The following RSRC2 variants were observed in gnomAD, a reference collection of about 807,000 sequenced individuals.
RSRC2 encodes the protein arginine/serine-rich coiled-coil protein 2.
RSRC2 carries 5 observed loss-of-function variants against 61.3 expected under a neutral mutation model. That is an observed-to-expected ratio of 0.08 (90% confidence interval 0.04 to 0.17). RSRC2 has a LOEUF of 0.17. Among genes scored for constraint, RSRC2 ranks in the 10% least tolerant of loss-of-function variants. The pLI is 1.00. For synonymous variants in RSRC2, 202 were observed against 166.5 expected (o/e 1.21, Z -1.64); for missense variants, 381 against 518.8 (o/e 0.73, Z 2.58).
Position 122,511,123 on chromosome 12 carries a change from T to C in RSRC2, c.791A>G (p.Gln264Arg), listed in dbSNP as rs1191500911. 1.2e-6 allele frequency: 2 copies of C among 1,605,284 alleles called. No homozygotes were observed. Among genetic ancestry groups the C allele is most frequent in the Non-Finnish European group, 1.7e-6 (2 of 1,178,622 alleles). Reference protein sequence around the residue: ...EKEMVEKQKQQEIAAAAATGG... With the variant: ...EKEMVEKQKQREIAAAAATGG... Reference sequence around the variant, plus strand: ...AAAAAAATTACCTGCAGCTATTTCTTGTTGTTTTTGTTTTTCAACCATTTC... The same window carrying C: ...AAAAAAATTACCTGCAGCTATTTCTCGTTGTTTTTGTTTTTCAACCATTTC... Residue 264 changes from glutamine (Q) to arginine (R), a missense_variant, in exon 7 of 10, where the codon CAA (glutamine) becomes CGA (arginine). By Grantham distance (43) the Gln-to-Arg change is conservative. This residue lies in a region of RSRC2 where 26 missense variants were observed against 27.5 expected (regional missense o/e 0.95). Coordinates refer to ENST00000331738, the MANE Select transcript of RSRC2 (RefSeq NM_023012.6).
chr12:122,516,321 G>C (rs573378684), intron 5 of RSRC2, among the ~76,000 whole-genome samples: 1 of 152,188 alleles, frequency 6.6e-6, no homozygotes, highest in South Asian at 2.1e-4. Flanking sequence ...GCTCTTTATT[G>C]TACACCTCCT....
At chr12:122,515,942 T>C (rs1257258120) in intron 5 of RSRC2, among the ~76,000 whole-genome samples, 2 of 152,136 alleles carry the variant, frequency 1.3e-5, no homozygotes, top group Admixed American at 6.5e-5. Flanking sequence ...TGAGCCAAGA[T>C]TGTGCCATCG....
chr12:122,515,217 T>C lies in RSRC2; in HGVS notation c.613A>G (p.Lys205Glu), dbSNP rs1958814710. The C allele has an allele frequency of 1.2e-6, 2 of 1,613,818 alleles. No homozygotes were observed. The highest frequency in any genetic ancestry group is 1.7e-6 in the Non-Finnish European group (2 of 1,179,888). ...AATCTTCTCGGCTTTTCAATTCTCTTCTTTCTATCTCTGTAGTAAATCGTA... is the reference window on the plus strand; with the variant it reads ...AATCTTCTCGGCTTTTCAATTCTCTCCTTTCTATCTCTGTAGTAAATCGTA... ...RTRSRSRDRK[K>E]RIEKPRRFSR... The change falls in exon 6 of 10, where the codon AAG becomes GAG. Residue 205 changes from lysine to glutamate, a missense_variant. By Grantham distance (56) the Lys-to-Glu change is moderately conservative. This residue lies in a region of RSRC2 where 266 missense variants were observed against 270.5 expected (regional missense o/e 0.98). Transcript: ENST00000331738.
chr12:122,511,783 C>T (rs867128712), intron 6 of RSRC2, among the ~76,000 whole-genome samples: 7 of 151,292 alleles, frequency 4.6e-5, no homozygotes, highest in Non-Finnish European at 5.9e-5. Flanking sequence ...GAACTAGTAA[C>T]ATGAAACACA....
rs1028005286 is a variant in RSRC2 at position 122,504,922 on chromosome 12, T to C, written c.*605A>G. On this transcript the variant is annotated 3_prime_UTR_variant, in exon 10 of 10. Coordinates refer to ENST00000331738, the MANE Select transcript of RSRC2 (RefSeq NM_023012.6). ...GCTCACCACGGTATTGACTGTAGTA[T>C]AGTTAACTGGCCTTAAAAAGGGTGG... is the stretch of plus-strand genomic sequence containing the variant. The C allele has an allele frequency of 6.6e-6, 1 of 152,654 alleles. No homozygotes were observed. The highest frequency in any genetic ancestry group is 1.5e-5 in the Non-Finnish European group (1 of 68,050). The allele number at this position is 152,654 out of a possible 1,614,324, so 9.5% of individuals were successfully genotyped here. A position where few individuals can be genotyped will look rare whatever the true frequency, so the allele number is the denominator to read the frequency against.
chr12:122,526,803 T>C (rs778671402), intron 1 of RSRC2, 45 bp downstream of exon 1: 2 of 1,611,518 alleles, frequency 1.2e-6, no homozygotes, highest in Non-Finnish European at 1.7e-6. Context: ...TGTTGGAACG[T>C]AGCAGAAAAA....
intron 5 of RSRC2, 93 bp from the exon 6 acceptor site, chr12:122,515,320 G>A (rs1197044045): frequency 1.4e-5 from 18 of 1,252,998 alleles, no homozygotes; most frequent in South Asian, 4.1e-5. Context: ...AAATCCCAAC[G>A]ATACAAAAAC....
rs2137395080 is a variant in RSRC2, at chr12:122,504,189, G to A, written c.*1338C>T. On this transcript the variant is annotated 3_prime_UTR_variant, in exon 10 of 10. Coordinates refer to ENST00000331738, the MANE Select transcript of RSRC2 (RefSeq NM_023012.6). ...TCCTGTAGTCTTCCCTGATTGTAAT[G>A]TGCTCTCATTCTGTGATGTTTTCCA... The A allele has an allele frequency of 6.6e-6, 1 of 152,252 alleles. No individual in the cohort carries two copies. Among genetic ancestry groups the A allele is most frequent in the African/African-American group, 2.4e-5 (1 of 41,544 alleles). 9.4% of individuals were successfully genotyped at this position (152,252 alleles called of 1,614,324 possible).
At chr12:122,519,052 C>A in intron 3 of RSRC2, 23 bp from the exon 4 acceptor site, 1 of 1,606,962 alleles carries the variant, frequency 6.2e-7, no homozygotes, top group Non-Finnish European at 8.5e-7. Context: ...GAAGTTGGTT[C>A]TTTCAGGAAA....
chr12:122,524,519 G>A (rs1959766830), intron 1 of RSRC2, among the ~76,000 whole-genome samples: 1 of 152,184 alleles, frequency 6.6e-6, no homozygotes. Flanking sequence ...TTCAGGCAAT[G>A]GTTTATCTAA....
At position 122,517,292 on chromosome 12, in the gene RSRC2, A is replaced by T. The variant is rs1371300597; in HGVS notation, c.537T>A (p.Arg179=). 2.5e-6 allele frequency: 4 copies of T among 1,613,932 alleles called. No homozygotes were observed. The highest frequency in any genetic ancestry group is 3.4e-6 in the Non-Finnish European group (4 of 1,180,004). The change falls in exon 5 of 10, where the codon CGT becomes CGA. Residue 179 remains arginine, a synonymous_variant. Transcript: ENST00000331738. ...SRERKRRIRS[R]SRSRSRHRHR... is the part of the protein sequence containing the mutation. ...GCCTGTGTCTTGATCTTGAGCGGGA[A>T]CGAGACCTGATCCGCCGTTTTCTTT...
intron 4 of RSRC2, 44 bp downstream of exon 4, chr12:122,518,795 G>A: frequency 1.4e-6 from 2 of 1,473,672 alleles, no homozygotes; most frequent in Non-Finnish European, 1.9e-6. Flanking sequence ...GAAACTTTAT[G>A]TAACTTGTTA....
chr12:122,521,525 G>A (rs1015308163), intron 2 of RSRC2, 97 bp from the exon 3 acceptor site: 1 of 1,011,304 alleles, frequency 9.9e-7, no homozygotes, highest in African/African-American at 1.6e-5. Context: ...ACTCCCATTA[G>A]TCTTCTTCCA....
At chr12:122,520,238 G>GA (rs1690109830) in intron 3 of RSRC2, 4 of 240,830 alleles carry the variant, frequency 1.7e-5, no homozygotes, top group Non-Finnish European at 3.4e-5. Flanking sequence ...ATTATTTGCA[G>GA]AAAAATAAGA....
Position 122,522,164 on chromosome 12 carries a change from T to C in RSRC2, c.142A>G (p.Arg48Gly). 1.2e-6 allele frequency: 2 copies of C among 1,612,128 alleles called. No homozygotes were observed. The highest frequency in any genetic ancestry group is 1.7e-6 in the Non-Finnish European group (2 of 1,179,546). ...HHYSRSRSRS[R>G]ERKRKSDNEG... ...ATACCTGACTTTCGTTTTCTTTCTCTTGACCTTGATCGTGATCTTGAATAA... is the reference window on the plus strand; with the variant it reads ...ATACCTGACTTTCGTTTTCTTTCTCCTGACCTTGATCGTGATCTTGAATAA... Residue 48 changes from arginine (R) to glycine (G), a missense_variant, in exon 2 of 10, where the codon AGA becomes GGA. Coordinates refer to ENST00000331738, the MANE Select transcript of RSRC2 (RefSeq NM_023012.6).
intron 6 of RSRC2, among the ~76,000 whole-genome samples, chr12:122,514,261 T>A (rs1958740027): frequency 8.4e-6 from 1 of 119,300 alleles, no homozygotes. Context: ...TGTGTGTGTG[T>A]GTGTGTGTGT....
intron 1 of RSRC2, among the ~76,000 whole-genome samples, chr12:122,524,757 C>T (rs1007920138): frequency 5.3e-5 from 8 of 152,082 alleles, no homozygotes; most frequent in African/African-American, 1.7e-4. Context: ...TACAGGTATC[C>T]AGGAAAAAAA....
intron 2 of RSRC2, 52 bp from the exon 3 acceptor site, chr12:122,521,480 T>C (rs1470516067): frequency 1.3e-6 from 2 of 1,511,842 alleles, no homozygotes; most frequent in Admixed American, 3.4e-5. Context: ...GAGAAACATT[T>C]CATCTTAAAA....
At chr12:122,512,369 T>C (rs1007339722) in intron 6 of RSRC2, among the ~76,000 whole-genome samples, 10 of 152,310 alleles carry the variant, frequency 6.6e-5, no homozygotes, top group African/African-American at 1.4e-4. Flanking sequence ...CTGACAAAAC[T>C]TGTTTTTGTT....
Sources: allele counts gnomAD v4.1 joint callset (sites outside exome capture counted in the v4.1 genomes callset), GRCh38; gene constraint gnomAD v4.1.1; regional missense constraint gnomAD v4.1.1; transcripts MANE v1.5; gene names NCBI Gene and HGNC (gene_info 2026-07-23, HGNC 2026-07-21).